Variants in SH3RF2 observed in about 807,000 individuals in gnomAD.
SH3RF2 encodes SH3 domain containing ring finger 2.
Under a neutral mutation model 59.0 loss-of-function variants are expected in SH3RF2, and 43 were observed. That is an observed-to-expected ratio of 0.73 (90% CI 0.57 to 0.94). SH3RF2 has a LOEUF of 0.94. Among genes scored for constraint, SH3RF2 ranks in the 40% least tolerant of loss-of-function variants. The pLI is 0.00. For missense variants in SH3RF2, 930 were observed against 940.1 expected, an observed-to-expected ratio of 0.99 and a Z score of 0.14; for synonymous variants, 391 against 391.5, an observed-to-expected ratio of 1.00 and a Z score of 0.01.
At chr5:145,981,579 C>G (rs1370659774) in intron 2 of SH3RF2, among the ~76,000 whole-genome samples, 1 of 152,108 alleles carries the variant, frequency 6.6e-6, no homozygotes, top group Non-Finnish European at 1.5e-5. Flanking sequence ...TCGTAGTTTC[C>G]CACTTTCTGA....
Position 146,060,038 on chromosome 5 carries a change from C to G in SH3RF2, c.1728C>G (p.Leu576=). Residue 576 remains leucine, a synonymous_variant, in exon 9 of 10, where the codon CTC becomes CTG. Transcript: ENST00000359120. ...TGGAGATGGGGTCCAAGCCTGCCCT[C>G]ACGGGGGAGCCCGCCCTCACGTGCA... The part of the protein sequence containing the change: ...VVVEMGSKPA[L]TGEPALTCIS... 6.2e-7 allele frequency: 1 copy of G among 1,612,642 alleles called. No individual in the cohort carries two copies. Among genetic ancestry groups the G allele is most frequent in the African/African-American group, 1.3e-5 (1 of 75,008 alleles).
chr5:146,009,241 C>G (rs1426101988), intron 4 of SH3RF2, among the ~76,000 whole-genome samples: 2 of 152,182 alleles, frequency 1.3e-5, no homozygotes, highest in Admixed American at 1.3e-4. Flanking sequence ...TAAATCAGAT[C>G]TTATCACTCC....
intron 2 of SH3RF2, among the ~76,000 whole-genome samples, chr5:145,999,037 C>T (rs1760285527): frequency 6.6e-6 from 1 of 151,902 alleles, no homozygotes; most frequent in Non-Finnish European, 1.5e-5. Context: ...AAAAAAAAAC[C>T]TTAATGATGA....
At chr5:146,032,971 T>C (rs1761793822) in intron 5 of SH3RF2, among the ~76,000 whole-genome samples, 1 of 152,154 alleles carries the variant, frequency 6.6e-6, no homozygotes, top group African/African-American at 2.4e-5. Context: ...CGGACTTGTG[T>C]GCTGTAGTTA....
chr5:146,050,809 TG>T, intron 7 of SH3RF2, among the ~76,000 whole-genome samples: 1 of 152,332 alleles, frequency 6.6e-6, no homozygotes, highest in Non-Finnish European at 1.5e-5. Context: ...ATAGAATTTT[TG>T]GGGGTGGTTA....
intron 4 of SH3RF2, among the ~76,000 whole-genome samples, chr5:146,007,000 C>A (rs1760673166): frequency 6.6e-6 from 1 of 152,212 alleles, no homozygotes; most frequent in Non-Finnish European, 1.5e-5. Flanking sequence ...GTCACTCCCA[C>A]TCACAGCCCA....
At chr5:146,055,755 C>G in intron 7 of SH3RF2, 2 of 577,180 alleles carry the variant, frequency 3.5e-6, no homozygotes, top group Non-Finnish European at 6.1e-6. Context: ...ATATGAGCCC[C>G]CCTTCCTTCC....
At chr5:146,008,744 A>G (rs984574174) in intron 4 of SH3RF2, among the ~76,000 whole-genome samples, 6 of 152,234 alleles carry the variant, frequency 3.9e-5, no homozygotes, top group African/African-American at 1.4e-4. Flanking sequence ...GAGAGTTCCA[A>G]TAGTCTGCCC....
At chr5:145,954,319 CT>C in intron 2 of SH3RF2, among the ~76,000 whole-genome samples, 1 of 152,176 alleles carries the variant, frequency 6.6e-6, no homozygotes, top group Non-Finnish European at 1.5e-5. Flanking sequence ...CGATATTGAG[CT>C]TTTTTTATAT....
intron 2 of SH3RF2, among the ~76,000 whole-genome samples, chr5:145,942,693 A>C (rs1011441629): frequency 6.6e-6 from 1 of 152,214 alleles, no homozygotes; most frequent in African/African-American, 2.4e-5. Context: ...TAGTAGGTGG[A>C]GGAAGACATA....
chr5:145,965,659 A>T (rs1037647025), intron 2 of SH3RF2, among the ~76,000 whole-genome samples: 5 of 152,218 alleles, frequency 3.3e-5, no homozygotes, highest in Non-Finnish European at 7.4e-5. Flanking sequence ...TTGAAGCATC[A>T]TTCATCCTTT....
intron 5 of SH3RF2, among the ~76,000 whole-genome samples, chr5:146,046,598 G>A (rs1423168495): frequency 3.3e-5 from 5 of 152,086 alleles, no homozygotes; most frequent in African/African-American, 7.2e-5. Flanking sequence ...CTACAAGTAC[G>A]TATTGAGCAT....
At chr5:146,027,694 G>A (rs1761578549) in intron 5 of SH3RF2, among the ~76,000 whole-genome samples, 1 of 152,210 alleles carries the variant, frequency 6.6e-6, no homozygotes, top group Non-Finnish European at 1.5e-5. Context: ...CCTGGAAGAA[G>A]TGATCTTCAG....
chr5:146,057,966 C>CTCTCTCTCTA (rs796279528), intron 8 of SH3RF2, among the ~76,000 whole-genome samples: 52 of 72,958 alleles, frequency 7.1e-4, no homozygotes, highest in African/African-American at 1.8e-3. Context: ...CTCTCTCTCT[C>CTCTCTCTCTA]TCTATCTATC....
rs1473181215 is a variant in SH3RF2 at position 146,055,697 on chromosome 5, G to A, written c.1323-284G>A. The stretch of plus-strand genomic sequence containing the variant: ...GTGGGGTGAGGAATGATCAGAACTG[G>A]AGTGAAAAAGGATGAAATTCAAGTC... On this transcript the variant is annotated intron_variant, in intron 7 of 9. Transcript: ENST00000359120. The A allele has an allele frequency of 6.4e-6, 3 of 466,490 alleles. No individual in the cohort carries two copies. The East Asian group carries it at 1.2e-4, about 18-fold the overall frequency. The allele number at this position is 466,490 out of a possible 1,614,324, so 28.9% of individuals were successfully genotyped here. A position where few individuals can be genotyped will look rare whatever the true frequency, so the allele number is the denominator to read the frequency against.
downstream of SH3RF2, among the ~76,000 whole-genome samples, chr5:146,065,097 G>C (rs1763071598): frequency 1.3e-5 from 2 of 152,150 alleles, no homozygotes; most frequent in South Asian, 2.1e-4. Flanking sequence ...CTTTGGGGCT[G>C]GTAGAGCCAA....
chr5:145,975,205 GACA>G (rs1449627802), intron 2 of SH3RF2, among the ~76,000 whole-genome samples: 1 of 152,298 alleles, frequency 6.6e-6, no homozygotes, highest in East Asian at 1.9e-4. Flanking sequence ...TCTATTTCTG[GACA>G]CTCCGTCCTT....
intron 4 of SH3RF2, among the ~76,000 whole-genome samples, chr5:146,009,569 G>A (rs187306432): frequency 4.1e-4 from 63 of 151,976 alleles, no homozygotes; most frequent in African/African-American, 1.4e-3. Context: ...GATCTTCCTC[G>A]ACCCCCTAAT....
In SH3RF2 at chr5:146,013,382, G is replaced by A. The variant is rs925266647; in HGVS notation, c.745-365G>A. ...CCAACCCAGCAGGGGATTCCAGGAT[G>A]GCTAAAGGAAGAGGGGAGAAGTCCA... is the stretch of plus-strand genomic sequence containing the variant. On this transcript the variant is annotated intron_variant, in intron 4 of 9. Transcript: ENST00000359120. Among the ~76,000 whole-genome samples the A allele has an allele frequency of 6.6e-5, 10 of 152,230 alleles. No individual in the cohort carries two copies. In the South Asian group the frequency reaches 1.2e-3, roughly 19 times the overall value.
Sources: gnomAD v4.1 joint callset for allele counts (sites outside exome capture counted in the v4.1 genomes callset) on GRCh38, gnomAD v4.1.1 for gene constraint, MANE v1.5 for transcripts, NCBI Gene and HGNC (gene_info 2026-07-23, HGNC 2026-07-21) for gene names.